Variants in RABEP1 observed in about 807,000 individuals in gnomAD.
RABEP1 encodes the protein rab GTPase-binding effector protein 1.
Under a neutral mutation model 123.4 loss-of-function variants are expected in RABEP1, and 51 were observed. That is an observed-to-expected ratio of 0.41 (90% CI 0.33 to 0.52). The LOEUF (loss-of-function observed/expected upper bound fraction) is 0.52. Ranked by LOEUF, RABEP1 falls within the 20% of genes least tolerant of loss-of-function variation. RABEP1 has a pLI of 0.16. For missense variants in RABEP1, 888 were observed against 996.3 expected (o/e 0.89, Z 1.46); for synonymous variants, 347 against 355.2 (o/e 0.98, Z 0.26).
Position 5,386,125 on chromosome 17 carries a change from T to TA in RABEP1, c.*2903dup. On this transcript the variant is annotated 3_prime_UTR_variant, in exon 18 of 18. Coordinates refer to ENST00000537505, the MANE Select transcript of RABEP1 (RefSeq NM_004703.6). ...GTCATCAAAACACCTTTTTATAAAT[T>TA]AGATAATTCTACCTGTTTTACAATA... The TA allele has an allele frequency of 9.7e-7, 1 of 1,032,758 alleles. No homozygotes were observed. Among genetic ancestry groups the TA allele is most frequent in the Non-Finnish European group, 1.4e-6 (1 of 695,574 alleles). The allele number at this position is 1,032,758 out of a possible 1,614,324, so 64.0% of individuals were successfully genotyped here.
chr17:5,302,258 T>TTTTTTTTTTGAGATG (rs2075141953), intron 1 of RABEP1, among the ~76,000 whole-genome samples: 1 of 148,986 alleles, frequency 6.7e-6, no homozygotes, highest in African/African-American at 2.5e-5. Context: ...TTTTTTTTTT[T>TTTTTTTTTTGAGATG]GAGATGGAGT....
intron 1 of RABEP1, among the ~76,000 whole-genome samples, chr17:5,306,005 A>C (rs1216746554): frequency 6.6e-6 from 1 of 152,118 alleles, no homozygotes; most frequent in African/African-American, 2.4e-5. Context: ...TACACTATTA[A>C]ATCTATAGTG....
chr17:5,320,314 A>G (rs1201651503), intron 2 of RABEP1, among the ~76,000 whole-genome samples: 1 of 151,174 alleles, frequency 6.6e-6, no homozygotes, highest in Non-Finnish European at 1.5e-5. Flanking sequence ...GGAGAGATAC[A>G]TTCTTTCCCA....
intron 1 of RABEP1, among the ~76,000 whole-genome samples, chr17:5,285,032 G>A (rs970326099): frequency 6.6e-6 from 1 of 151,558 alleles, no homozygotes; most frequent in African/African-American, 2.4e-5. Flanking sequence ...TAGGAAAATC[G>A]ATTTGTGTGT....
chr17:5,360,960 C>CTT (rs370931304), intron 8 of RABEP1: 279 of 410,946 alleles, frequency 6.8e-4, no homozygotes, highest in South Asian at 1.1e-3. Flanking sequence ...GCTTACTTAT[C>CTT]TTTTTTTTTT....
At chr17:5,352,749 T>C (rs750803983) in intron 7 of RABEP1, among the ~76,000 whole-genome samples, 1 of 151,944 alleles carries the variant, frequency 6.6e-6, no homozygotes, top group Non-Finnish European at 1.5e-5. Context: ...GAGAATCACT[T>C]GAACCCAGGA....
At chr17:5,297,911 AT>A (rs1221487459) in intron 1 of RABEP1, among the ~76,000 whole-genome samples, 2 of 152,182 alleles carry the variant, frequency 1.3e-5, no homozygotes, top group African/African-American at 4.8e-5. Context: ...TACACATTTC[AT>A]TTTCTGTAGC....
chr17:5,346,328 T>G (rs1908057486), intron 5 of RABEP1, among the ~76,000 whole-genome samples: 1 of 152,272 alleles, frequency 6.6e-6, no homozygotes, highest in Non-Finnish European at 1.5e-5. Context: ...TGAAAATGTC[T>G]TCTTTTTATA....
At chr17:5,349,549 G>A (rs1315144943) in intron 6 of RABEP1, among the ~76,000 whole-genome samples, 1 of 152,130 alleles carries the variant, frequency 6.6e-6, no homozygotes, top group Non-Finnish European at 1.5e-5. Flanking sequence ...TCCTTGACTT[G>A]TCATAAGAAG....
At position 5,346,863 on chromosome 17, in the gene RABEP1, T is replaced by C; in HGVS notation, c.722T>C (p.Leu241Ser). The C allele has an allele frequency of 6.2e-7, 1 of 1,610,254 alleles. No individual in the cohort carries two copies. Reference sequence around the variant, plus strand: ...GATCTAGAGATGTATGTAGCTGTTTTGAATACTCAGAAATCTGTTCTACAG... The same window carrying C: ...GATCTAGAGATGTATGTAGCTGTTTCGAATACTCAGAAATCTGTTCTACAG... ...RTDLEMYVAV[L>S]NTQKSVLQED... Residue 241 changes from leucine to serine, a missense_variant, in exon 6 of 18, where the codon TTG becomes TCG. Physicochemically the swap from Leu to Ser is moderately radical, Grantham distance 145. Coordinates refer to ENST00000537505, the MANE Select transcript of RABEP1 (RefSeq NM_004703.6).
At chr17:5,330,741 G>A (rs1906451089) in intron 2 of RABEP1, among the ~76,000 whole-genome samples, 1 of 152,030 alleles carries the variant, frequency 6.6e-6, no homozygotes, top group African/African-American at 2.4e-5. Context: ...CGTAAGTTAA[G>A]GCCGGGCGCG....
At chr17:5,287,860 T>C (rs2074994772) in intron 1 of RABEP1, among the ~76,000 whole-genome samples, 1 of 151,938 alleles carries the variant, frequency 6.6e-6, no homozygotes, top group African/African-American at 2.4e-5. Flanking sequence ...TGCAGTGAGC[T>C]GTGATCTTGC....
At chr17:5,378,411 T>G in intron 15 of RABEP1, 179 bp downstream of exon 15, 1 of 685,454 alleles carries the variant, frequency 1.5e-6, no homozygotes, top group Non-Finnish European at 2.7e-6. Context: ...GAGAGTGCCC[T>G]GTGTGTCAGG....
intron 2 of RABEP1, among the ~76,000 whole-genome samples, chr17:5,315,637 G>C (rs913249661): frequency 2.0e-5 from 3 of 152,056 alleles, no homozygotes; most frequent in African/African-American, 7.2e-5. Flanking sequence ...GATCACTTGA[G>C]GTCAGGAGTT....
intron 1 of RABEP1, among the ~76,000 whole-genome samples, chr17:5,300,622 A>G (rs567554389): frequency 6.6e-6 from 1 of 152,322 alleles, no homozygotes; most frequent in Non-Finnish European, 1.5e-5. Flanking sequence ...GATCGTAAGC[A>G]GATTTTTCAA....
At chr17:5,349,119 T>G (rs930195394) in intron 6 of RABEP1, among the ~76,000 whole-genome samples, 1 of 152,208 alleles carries the variant, frequency 6.6e-6, no homozygotes, top group Non-Finnish European at 1.5e-5. Flanking sequence ...TGGACTTTGA[T>G]GTGAATGGGA....
chr17:5,357,561 A>G (rs1380228047), intron 8 of RABEP1, among the ~76,000 whole-genome samples: 1 of 151,744 alleles, frequency 6.6e-6, no homozygotes, highest in African/African-American at 2.4e-5. Flanking sequence ...AGTACAGACA[A>G]GTCTTCACTA....
chr17:5,380,563 C>T (rs1253369196), intron 16 of RABEP1, 101 bp downstream of exon 16: 2 of 1,057,690 alleles, frequency 1.9e-6, no homozygotes, highest in African/African-American at 1.6e-5. Flanking sequence ...TGAAGTGTCA[C>T]CTTTTAAAAA....
intron 5 of RABEP1, among the ~76,000 whole-genome samples, chr17:5,340,722 G>A (rs1567532883): frequency 1.3e-5 from 2 of 151,644 alleles, no homozygotes; most frequent in Non-Finnish European, 1.5e-5. Flanking sequence ...TGAGGTGGGT[G>A]GATCGCCTGA....
Sources: gnomAD v4.1 joint callset for allele counts (sites outside exome capture counted in the v4.1 genomes callset) on GRCh38, gnomAD v4.1.1 for gene constraint, MANE v1.5 for transcripts, NCBI Gene and HGNC (gene_info 2026-07-23, HGNC 2026-07-21) for gene names.